AXL: variants seen among roughly 807,000 people sequenced by gnomAD.
AXL encodes the protein AXL receptor tyrosine kinase.
Under a neutral mutation model 104.5 loss-of-function variants are expected in AXL, and 52 were observed. The ratio of observed to expected loss-of-function variants is 0.50; its 90% confidence interval spans 0.40 to 0.63. The LOEUF (loss-of-function observed/expected upper bound fraction) is 0.63, where lower values mean the gene tolerates loss of function less well. AXL is among the 20% of genes least tolerant of loss of function. The pLI, the probability that AXL is intolerant of heterozygous loss-of-function variation, is 0.00. For missense variants in AXL, 1,024 were observed against 1,188.5 expected, an observed-to-expected ratio of 0.86 and a Z score of 2.04; for synonymous variants, 455 against 473.7, an observed-to-expected ratio of 0.96 and a Z score of 0.51.
intron 4 of AXL, among the ~76,000 whole-genome samples, chr19:41,228,077 C>T (rs544751119): frequency 3.9e-5 from 6 of 152,102 alleles, no homozygotes; most frequent in African/African-American, 1.4e-4. Context: ...AGTGAAACCT[C>T]GGATAAAGGG....
At position 41,253,580 on chromosome 19, in the gene AXL, A is replaced by C. The variant is rs1599742404; in HGVS notation, c.1927-19A>C. 1 of 1,590,522 alleles carries C rather than the reference A, an allele frequency of 6.3e-7. No homozygotes were observed. The highest frequency in any genetic ancestry group is 1.3e-5 in the African/African-American group (1 of 74,530). On this transcript the variant is annotated intron_variant, in intron 16 of 19. Transcript: ENST00000301178. ...AAGGACTCTGTTGACCTCTCCTCCC[A>C]CCTGCCTTGGCTCCCCAGTACCTGC...
chr19:41,239,442 G>GCCCTCACTCCCTTACCCATGCCAAC, intron 9 of AXL, 128 bp downstream of exon 9: 1 of 1,366,786 alleles, frequency 7.3e-7, no homozygotes, highest in Admixed American at 2.3e-5. Context: ...ACTGAGAGCT[G>GCCCTCACTCCCTTACCCATGCCAAC]CCCTCACTCC....
rs564907178 is a variant in AXL, at chr19:41,260,890, G to A, written c.*986G>A. 3.9e-5 allele frequency: 6 copies of A among 152,216 alleles called. 1 individual carries two copies. In the East Asian group the frequency reaches 1.2e-3, roughly 29 times the overall value. The allele number at this position is 152,216 out of a possible 1,614,324, so 9.4% of individuals were successfully genotyped here. Reference sequence around the variant, plus strand: ...AGGCTCTGAGAGTCTAGATTCTCTGGCTGTAAGGCTCTAGATCATAAGGCT... The same window carrying A: ...AGGCTCTGAGAGTCTAGATTCTCTGACTGTAAGGCTCTAGATCATAAGGCT... On this transcript the variant is annotated 3_prime_UTR_variant, in exon 20 of 20. Coordinates refer to ENST00000301178, the MANE Select transcript of AXL (RefSeq NM_021913.5).
At chr19:41,220,472 C>G in intron 1 of AXL, 164 bp from the exon 2 acceptor site, 2 of 622,942 alleles carry the variant, frequency 3.2e-6, no homozygotes, top group Non-Finnish European at 5.6e-6. Context: ...GTCCTCCTCT[C>G]AGAGCCTCCG....
chr19:41,248,445 C>A, intron 12 of AXL, 69 bp from the exon 13 acceptor site: 1 of 1,424,886 alleles, frequency 7.0e-7, no homozygotes, highest in Non-Finnish European at 9.9e-7. Flanking sequence ...TCTATCCCTA[C>A]TGGTGGGTGA....
rs969922085 is a variant in AXL at position 41,221,214 on chromosome 19, T to C, written c.377T>C (p.Phe126Ser). ...TTGGTGTTTCTGGGACATCAGACCT[T>C]CGTGTCCCAGCCTGGCTATGTTGGG... Reference protein sequence around the residue: ...QCLVFLGHQTFVSQPGYVGLE... With the variant: ...QCLVFLGHQTSVSQPGYVGLE... The change falls in exon 3 of 20, where the codon TTC becomes TCC. Residue 126 changes from phenylalanine (F) to serine (S), a missense_variant. Transcript: ENST00000301178. The C allele has an allele frequency of 5.6e-6, 9 of 1,613,898 alleles. No individual in the cohort carries two copies. Among genetic ancestry groups the C allele is most frequent in the Admixed American group, 1.7e-5 (1 of 59,972 alleles).
chr19:41,229,286 C>T (rs2033936123), intron 4 of AXL, among the ~76,000 whole-genome samples: 1 of 151,552 alleles, frequency 6.6e-6, no homozygotes, highest in African/African-American at 2.4e-5. Flanking sequence ...TTTTTTGAGA[C>T]AGGGTCTCAC....
chr19:41,234,491 C>T (rs986170278), intron 6 of AXL, among the ~76,000 whole-genome samples: 2 of 151,898 alleles, frequency 1.3e-5, no homozygotes, highest in Non-Finnish European at 2.9e-5. Flanking sequence ...GCTGTCATTA[C>T]ACCACTGCAC....
chr19:41,253,246 G>C (rs375993476), intron 16 of AXL, among the ~76,000 whole-genome samples: 29 of 152,316 alleles, frequency 1.9e-4, no homozygotes, highest in Middle Eastern at 3.4e-3. Flanking sequence ...GGAGGTGACC[G>C]TGAAGGAGTT....
rs1430749641 is a variant in AXL at position 41,253,744 on chromosome 19, C to T, written c.2036+36C>T. 2.7e-6 allele frequency: 4 copies of T among 1,490,152 alleles called. No homozygotes were observed. The South Asian group carries it at 4.6e-5, about 17-fold the overall frequency. 92.3% of individuals were successfully genotyped at this position (1,490,152 alleles called of 1,614,324 possible). A position where few individuals can be genotyped will look rare whatever the true frequency, so the allele number is the denominator to read the frequency against. ...TTCAGGGACCCCCCCCCCCCAACTG[C>T]TCCTGCACTCCCTGAGGGAGTTCCC... On this transcript the variant is annotated intron_variant, in intron 17 of 19. Coordinates refer to ENST00000301178, the MANE Select transcript of AXL (RefSeq NM_021913.5).
At chr19:41,231,410 G>A in intron 6 of AXL, 112 bp downstream of exon 6, 1 of 991,054 alleles carries the variant, frequency 1.0e-6, no homozygotes, top group South Asian at 1.7e-5. Context: ...TTGAGAAGCA[G>A]TAGAGCCTGG....
intron 7 of AXL, 87 bp from the exon 8 acceptor site, chr19:41,238,383 T>G: frequency 6.4e-7 from 1 of 1,563,498 alleles, no homozygotes; most frequent in Non-Finnish European, 8.7e-7. Context: ...GTGTGTGCCC[T>G]TGGCACCCTG....
intron 4 of AXL, among the ~76,000 whole-genome samples, chr19:41,227,141 A>G (rs2033895462): frequency 6.6e-6 from 1 of 152,012 alleles, no homozygotes; most frequent in Non-Finnish European, 1.5e-5. Context: ...ATCCTAGCGC[A>G]GACATTGTGT....
chr19:41,257,954 G>A (rs959259021), intron 19 of AXL, among the ~76,000 whole-genome samples: 1 of 152,228 alleles, frequency 6.6e-6, no homozygotes, highest in Non-Finnish European at 1.5e-5. Context: ...CACTCCCAGA[G>A]ACTTCTCATT....
At chr19:41,221,703 G>A in intron 3 of AXL, 177 bp from the exon 4 acceptor site, 1 of 623,746 alleles carries the variant, frequency 1.6e-6, no homozygotes, top group Non-Finnish European at 2.7e-6. Context: ...GGAGGAATCA[G>A]ATATTGGGGT....
At position 41,259,751 on chromosome 19, in the gene AXL, C is replaced by G. The variant is rs2122298929; in HGVS notation, c.2532C>G (p.Thr844=). The G allele has an allele frequency of 6.2e-7, 1 of 1,614,122 alleles. No individual in the cohort carries two copies. The highest frequency in any genetic ancestry group is 8.5e-7 in the Non-Finnish European group (1 of 1,180,006). ...CTGCAGGAGGAGCTGACCCCCCAAC[C>G]CAGCCAGACCCTAAGGATTCCTGTA... ...PGAAGGADPP[T]QPDPKDSCSC... The change falls in exon 20 of 20, where the codon ACC becomes ACG. Residue 844 remains threonine, a synonymous_variant. Coordinates refer to ENST00000301178, the MANE Select transcript of AXL (RefSeq NM_021913.5).
chr19:41,248,593 G>A lies in AXL; in HGVS notation c.1617G>A (p.Gly539=), dbSNP rs1158350509. 7 of 1,614,018 alleles carry A rather than the reference G, an allele frequency of 4.3e-6. No homozygotes were observed. The highest frequency in any genetic ancestry group is 2.5e-6 in the Non-Finnish European group (3 of 1,180,020). Residue 539 remains glycine, a synonymous_variant, in exon 13 of 20, where the codon GGG becomes GGA. Coordinates refer to ENST00000301178, the MANE Select transcript of AXL (RefSeq NM_021913.5). ...TGGACCGGCACAAGGTGGCCCTGGG[G>A]AAGACTCTGGGAGAGGGTGAGTCCC... ...VMVDRHKVAL[G]KTLGEGEFGA...
rs778012871 is a variant in AXL at position 41,238,027 on chromosome 19, GC to G, written c.874del (p.His292IlefsTer5). ...EEPLTSQASV[P>X]PHQLRLGSLH... The stretch of plus-strand genomic sequence containing the variant: ...AGCCCCTCACCTCGCAAGCATCCGT[GC>G]CCCCCCATCAGCTTCGGCTAGGCAG... On this transcript the variant is annotated frameshift_variant, in exon 7 of 20. Coordinates refer to ENST00000301178, the MANE Select transcript of AXL (RefSeq NM_021913.5). LOFTEE classifies it high-confidence loss of function. 1.2e-6 allele frequency: 2 copies of G among 1,613,262 alleles called. No individual in the cohort carries two copies. The highest frequency in any genetic ancestry group is 1.7e-5 in the Admixed American group (1 of 59,870).
chr19:41,257,145 G>A (rs937851245), intron 18 of AXL, among the ~76,000 whole-genome samples: 1 of 152,128 alleles, frequency 6.6e-6, no homozygotes, highest in Admixed American at 6.6e-5. Context: ...CCGGGTTCAA[G>A]CAATTCTCCT....
Sources: allele counts gnomAD v4.1 joint callset (sites outside exome capture counted in the v4.1 genomes callset), GRCh38; gene constraint gnomAD v4.1.1; transcripts MANE v1.5; gene names NCBI Gene and HGNC (gene_info 2026-07-23, HGNC 2026-07-21).